Variants in SORCS2 observed in about 807,000 individuals in gnomAD.
SORCS2 encodes VPS10 domain-containing receptor SorCS2.
A neutral mutation model predicts 141.6 loss-of-function variants in SORCS2; 100 were observed. The observed-to-expected ratio is 0.71, with a 90% CI of 0.60 to 0.83. The LOEUF is 0.83. Ranked by LOEUF, SORCS2 falls within the 40% of genes least tolerant of loss-of-function variation. The pLI, the probability that SORCS2 is intolerant of heterozygous loss-of-function variation, is 0.00. For synonymous variants in SORCS2, 789 were observed against 676.9 expected, an observed-to-expected ratio of 1.17 and a Z score of -2.57; for missense variants, 1,646 against 1,560.2, an observed-to-expected ratio of 1.05 and a Z score of -0.93.
chr4:7,584,382 G>C (rs1422305497), intron 3 of SORCS2, among the ~76,000 whole-genome samples: 1 of 152,142 alleles, frequency 6.6e-6, no homozygotes, highest in Non-Finnish European at 1.5e-5. Context: ...AACTGAAAGA[G>C]TACATTTAAG....
chr4:7,400,464 A>G (rs924722355), intron 2 of SORCS2, among the ~76,000 whole-genome samples: 1 of 109,840 alleles, frequency 9.1e-6, no homozygotes. Context: ...GGTTTGCCCC[A>G]CCACCACCAC....
At chr4:7,399,606 G>A (rs1022198254) in intron 2 of SORCS2, among the ~76,000 whole-genome samples, 6 of 152,052 alleles carry the variant, frequency 3.9e-5, no homozygotes, top group Admixed American at 3.3e-4. Context: ...CAAAAGGCTG[G>A]GGGTGAGGAG....
chr4:7,715,430 A>C (rs1415581090), intron 17 of SORCS2, 119 bp downstream of exon 17: 1 of 1,441,630 alleles, frequency 6.9e-7, no homozygotes, highest in African/African-American at 1.4e-5. Flanking sequence ...GGAGTCGGGG[A>C]AAGAGAGGTC....
At chr4:7,393,485 T>A (rs985176859) in intron 1 of SORCS2, among the ~76,000 whole-genome samples, 1 of 152,242 alleles carries the variant, frequency 6.6e-6, no homozygotes, top group Non-Finnish European at 1.5e-5. Context: ...GCTTTCAGTG[T>A]GGCAGTGAAG....
At chr4:7,355,073 G>A (rs1721167040) in intron 1 of SORCS2, among the ~76,000 whole-genome samples, 1 of 152,046 alleles carries the variant, frequency 6.6e-6, no homozygotes, top group Non-Finnish European at 1.5e-5. Flanking sequence ...TCTGTATGTT[G>A]GTCCAGCTAA....
chr4:7,737,169 C>T lies in SORCS2; in HGVS notation c.3412C>T (p.Gln1138Ter). Residue 1138 changes from glutamine (Q) to a stop codon, truncating the protein, a stop_gained, in exon 26 of 27, where the codon CAG becomes TAG. Transcript: ENST00000507866. LOFTEE classifies it high-confidence loss of function. ...CAGTGAGGACGTCCAGGGCGCTGTCCAGGGTGAGGAGTTTATAGATGATGA... is the reference window on the plus strand; with the variant it reads ...CAGTGAGGACGTCCAGGGCGCTGTCTAGGGTGAGGAGTTTATAGATGATGA... Reference protein sequence around the residue: ...SHSEDVQGAVQGNHSGVVLSI... With the variant: ...SHSEDVQGAV 1.9e-6 allele frequency: 3 copies of T among 1,551,182 alleles called. No individual in the cohort carries two copies. The highest frequency in any genetic ancestry group is 1.2e-5 in the South Asian group (1 of 84,046).
chr4:7,356,321 A>G (rs1439621284), intron 1 of SORCS2, among the ~76,000 whole-genome samples: 1 of 152,208 alleles, frequency 6.6e-6, no homozygotes, highest in Non-Finnish European at 1.5e-5. Flanking sequence ...AGAATATCAC[A>G]GACTGAGGGC....
At chr4:7,463,805 G>A (rs565203716) in intron 2 of SORCS2, among the ~76,000 whole-genome samples, 79 of 152,280 alleles carry the variant, frequency 5.2e-4, no homozygotes, top group African/African-American at 1.6e-3. Context: ...GCCCTGCGCC[G>A]CCTACATACT....
chr4:7,267,618 G>A (rs1195013262), intron 1 of SORCS2, among the ~76,000 whole-genome samples: 1 of 152,192 alleles, frequency 6.6e-6, no homozygotes, highest in African/African-American at 2.4e-5. Flanking sequence ...ATCACCCGAG[G>A]TCAGGAGTTC....
chr4:7,693,173 CTTCACCCTTTCTTCCTCATCT>C (rs1310818312), intron 11 of SORCS2, among the ~76,000 whole-genome samples: 2 of 17,486 alleles, frequency 1.1e-4, no homozygotes, highest in Non-Finnish European at 2.5e-4. Context: ...GATACCTCAT[CTTCACCCTTTCTTCCTCATCT>C]TCACCCTTTC....
At position 7,469,640 on chromosome 4, in the gene SORCS2, C is replaced by T. The variant is rs575250856; in HGVS notation, c.549-61890C>T. Among the ~76,000 whole-genome samples the T allele has an allele frequency of 3.3e-5, 5 of 152,312 alleles. No individual in the cohort carries two copies. The East Asian group carries it at 5.8e-4, about 18-fold the overall frequency. ...TCCCCAGTCCTAGCTGCACATGAGT[C>T]TCCTGGGCAGGCCTACAGATTATGA... On this transcript the variant is annotated intron_variant, in intron 2 of 26. Coordinates refer to ENST00000507866, the MANE Select transcript of SORCS2 (RefSeq NM_020777.3).
intron 1 of SORCS2, among the ~76,000 whole-genome samples, chr4:7,364,968 C>T (rs1355238353): frequency 6.6e-6 from 1 of 152,232 alleles, no homozygotes; most frequent in African/African-American, 2.4e-5. Context: ...CCCTTTGTGT[C>T]TCCAGGATCT....
At chr4:7,602,359 C>T (rs1262052441) in intron 3 of SORCS2, among the ~76,000 whole-genome samples, 5 of 151,082 alleles carry the variant, frequency 3.3e-5, no homozygotes, top group African/African-American at 4.9e-5. Flanking sequence ...ACTTCCCAGA[C>T]GGGGCGGCTG....
chr4:7,231,920 G>T (rs1222107255), intron 1 of SORCS2, among the ~76,000 whole-genome samples: 1 of 152,220 alleles, frequency 6.6e-6, no homozygotes, highest in Non-Finnish European at 1.5e-5. Flanking sequence ...CTGGGGTGGG[G>T]CTTGGGCTGG....
At chr4:7,232,653 C>T (rs1410219489) in intron 1 of SORCS2, among the ~76,000 whole-genome samples, 1 of 152,230 alleles carries the variant, frequency 6.6e-6, no homozygotes. Flanking sequence ...GGGGCTCCTG[C>T]CCGCGCCAGC....
chr4:7,536,944 A>T (rs775122994), intron 3 of SORCS2, among the ~76,000 whole-genome samples: 1 of 152,046 alleles, frequency 6.6e-6, no homozygotes, highest in Non-Finnish European at 1.5e-5. Flanking sequence ...AAGGTCACCC[A>T]GCCGGTAGAG....
chr4:7,403,995 ATATTTT>A (rs1342947418), intron 2 of SORCS2, among the ~76,000 whole-genome samples: 98 of 9,512 alleles, frequency 0.01, no homozygotes, highest in African/African-American at 0.021. Context: ...ATATATATAT[ATATTTT>A]TTTTTTTTTT....
At chr4:7,553,667 G>A (rs1344739768) in intron 3 of SORCS2, among the ~76,000 whole-genome samples, 1 of 152,216 alleles carries the variant, frequency 6.6e-6, no homozygotes, top group Non-Finnish European at 1.5e-5. Flanking sequence ...GAGACCAGGT[G>A]GGCACCAGGT....
intron 1 of SORCS2, among the ~76,000 whole-genome samples, chr4:7,219,965 G>C (rs185171781): frequency 6.0e-4 from 91 of 152,364 alleles, no homozygotes; most frequent in African/African-American, 2.1e-3. Flanking sequence ...AAATAAAGGA[G>C]TGTTGGGTTT....
Sources: gnomAD v4.1 joint callset for allele counts (sites outside exome capture counted in the v4.1 genomes callset) on GRCh38, gnomAD v4.1.1 for gene constraint, MANE v1.5 for transcripts, NCBI Gene and HGNC (gene_info 2026-07-23, HGNC 2026-07-21) for gene names.